The following BAG6 variants were observed in gnomAD, a reference collection of about 807,000 sequenced individuals.
BAG6 encodes large proline-rich protein BAG6.
Under a neutral mutation model 121.0 loss-of-function variants are expected in BAG6, and 22 were observed. The ratio of observed to expected loss-of-function variants is 0.18; its 90% CI spans 0.13 to 0.26. BAG6 has a LOEUF of 0.26. Ranked by LOEUF, BAG6 falls within the 10% of genes least tolerant of loss-of-function variation. The pLI is 1.00. For synonymous variants in BAG6, 583 were observed against 584.6 expected (o/e 1.00, Z 0.04); for missense variants, 1,233 against 1,537.7 (o/e 0.80, Z 3.31).
At chr6:31,645,668 A>G in intron 8 of BAG6, 64 bp from the exon 9 acceptor site, 1 of 1,565,614 alleles carries the variant, frequency 6.4e-7, no homozygotes, top group Non-Finnish European at 8.7e-7. Context: ...TCTCACTAAT[A>G]AAAGCAATAA....
At position 31,647,758 on chromosome 6, in the gene BAG6, T is replaced by A. The variant is rs1441809681; in HGVS notation, c.621A>T (p.Pro207=). ...CTGATGTTTGAGAGCTCAAGGCTAC[T>A]GGCTCCGGGGTCACAGCCGGTGGCT... The part of the protein sequence containing the change: ...PPQPPAVTPE[P]VALSSQTSEP... The change falls in exon 7 of 26, where the codon CCA becomes CCT. Residue 207 remains proline, a synonymous_variant. Transcript: ENST00000676615. The A allele has an allele frequency of 1.9e-6, 3 of 1,603,258 alleles. No individual in the cohort carries two copies. Among genetic ancestry groups the A allele is most frequent in the Non-Finnish European group, 8.5e-7 (1 of 1,176,116 alleles).
chr6:31,644,393 G>A lies in BAG6; in HGVS notation c.1469C>T (p.Pro490Leu), dbSNP rs756017355. The A allele has an allele frequency of 2.2e-5, 34 of 1,551,820 alleles. No individual in the cohort carries two copies. In the African/African-American group the frequency reaches 4.5e-4, roughly 21 times the overall value. Residue 490 changes from proline (P) to leucine (L), a missense_variant, in exon 12 of 26, where the codon CCC becomes CTC. By Grantham distance (98) the Pro-to-Leu change is moderately conservative. Transcript: ENST00000676615. This position sits in a 1 kb window ranked among gnomAD's most constrained non-coding sequence, Gnocchi z 4.9. ...GTGCATGAACTCAGGGGGCAGGGAG[G>A]GCAGCTGGATGAGGGTGGAGCCTGG... ...QTLGSTLIQL[P>L]SLPPEFMHAV...
Position 31,647,219 on chromosome 6 carries a change from A to T in BAG6, c.788+372T>A, listed in dbSNP as rs138386046. ...CACCCAGCCAAAGCTTCTATTCTTT[A>T]CTCCCACCCATGAGAGGATAGGGAG... On this transcript the variant is annotated intron_variant, in intron 7 of 25. Transcript: ENST00000676615. Among the ~76,000 whole-genome samples the T allele has an allele frequency of 2.9e-3, 444 of 152,058 alleles. 3 individuals carry two copies. Among genetic ancestry groups the T allele is most frequent in the African/African-American group, 8.8e-3 (366 of 41,482 alleles).
intron 14 of BAG6, 84 bp from the exon 15 acceptor site, chr6:31,643,199 G>A: frequency 7.1e-7 from 1 of 1,405,328 alleles, no homozygotes; most frequent in Non-Finnish European, 9.5e-7. Flanking sequence ...GCCAAGGCAT[G>A]AGAACTGCTT....
chr6:31,645,725 TG>T, intron 8 of BAG6, 121 bp from the exon 9 acceptor site: 1 of 1,253,740 alleles, frequency 8.0e-7, no homozygotes, highest in Non-Finnish European at 1.1e-6. Flanking sequence ...GTTATATCCT[TG>T]GAAGTTTACA....
chr6:31,640,867 C>G lies in BAG6; in HGVS notation c.2859G>C (p.Gln953His). The change falls in exon 21 of 26, where the codon CAG becomes CAC. Residue 953 changes from glutamine to histidine, a missense_variant. Physicochemically the swap from Gln to His is conservative, Grantham distance 24 (BLOSUM62 0). Around this residue, in one of 7 missense-constraint regions of BAG6, gnomAD observed 288 missense variants for 483.1 expected, o/e 0.60. Transcript: ENST00000676615. This position sits in a 1 kb window ranked among gnomAD's most constrained non-coding sequence, Gnocchi z 4.2. ...CTACAGGCATGTGCTCCAGTACCAC[C>G]TGAAGCCTCAGTCCCATCATAGTGG... Reference protein sequence around the residue: ...WLTTMMGLRLQVVLEHMPVGP... With the variant: ...WLTTMMGLRLHVVLEHMPVGP... 6.2e-7 allele frequency: 1 copy of G among 1,612,708 alleles called. No individual in the cohort carries two copies. Among genetic ancestry groups the G allele is most frequent in the Non-Finnish European group, 8.5e-7 (1 of 1,180,032 alleles).
Position 31,639,325 on chromosome 6 carries a change from C to G in BAG6, c.3394-99G>C, listed in dbSNP as rs147628511. The G allele has an allele frequency of 6.2e-3, 9,035 of 1,451,806 alleles. 38 individuals are homozygous for G. The highest frequency in any genetic ancestry group is 7.7e-3 in the Non-Finnish European group (8,129 of 1,049,018). 89.9% of individuals were successfully genotyped at this position (1,451,806 alleles called of 1,614,324 possible). On this transcript the variant is annotated intron_variant, in intron 25 of 25. Coordinates refer to ENST00000676615, the MANE Select transcript of BAG6 (RefSeq NM_001387994.1). ...TCCCTCAGAAGCTAACATTTCCCCCCCCAAGCACACTGTCAAATAGCCCGG... is the reference window on the plus strand; with the variant it reads ...TCCCTCAGAAGCTAACATTTCCCCCGCCAAGCACACTGTCAAATAGCCCGG...
chr6:31,651,793 G>T lies in BAG6; in HGVS notation c.-13-17C>A, dbSNP rs376290020. The T allele has an allele frequency of 1.7e-5, 27 of 1,600,280 alleles. No individual in the cohort carries two copies. In the African/African-American group the frequency reaches 2.9e-4, roughly 17 times the overall value. On this transcript the variant is annotated splice_polypyrimidine_tract_variant and intron_variant, in intron 1 of 25. Coordinates refer to ENST00000676615, the MANE Select transcript of BAG6 (RefSeq NM_001387994.1). Reference sequence around the variant, plus strand: ...GACAGGTCTCTAAAGAAGAACGAAGGAAGGAAGGCCCGCTGTTGCCCAGAC... The same window carrying T: ...GACAGGTCTCTAAAGAAGAACGAAGTAAGGAAGGCCCGCTGTTGCCCAGAC...
chr6:31,645,335 G>C, intron 9 of BAG6, 72 bp downstream of exon 9: 5 of 1,609,226 alleles, frequency 3.1e-6, no homozygotes, highest in Non-Finnish European at 4.2e-6. Flanking sequence ...CCTCCTTCAG[G>C]CCCAGTAGCT....
At position 31,639,072 on chromosome 6, in the gene BAG6, A is replaced by G. The variant is rs1779335536; in HGVS notation, c.*59T>C. On this transcript the variant is annotated 3_prime_UTR_variant, in exon 26 of 26. Transcript: ENST00000676615. The stretch of plus-strand genomic sequence containing the variant: ...AAAATCCGACTTTTATTTCTTAAAT[A>G]CTGTGAAGGAAGAGGGGGGAAACGG... 1 of 1,412,250 alleles carries G rather than the reference A, an allele frequency of 7.1e-7. No homozygotes were observed. Among genetic ancestry groups the G allele is most frequent in the East Asian group, 2.3e-5 (1 of 42,772 alleles). 87.5% of individuals were successfully genotyped at this position (1,412,250 alleles called of 1,614,324 possible).
intron 25 of BAG6, 96 bp from the exon 26 acceptor site, chr6:31,639,322 C>T: frequency 6.9e-7 from 1 of 1,456,534 alleles, no homozygotes; most frequent in Non-Finnish European, 9.5e-7. Flanking sequence ...TAACATTTCC[C>T]CCCCCAAGCA....
In BAG6 at chr6:31,649,140, T is replaced by C. The variant is rs553218307; in HGVS notation, c.423+59A>G. 2.1e-4 allele frequency: 335 copies of C among 1,592,720 alleles called. 2 individuals carry two copies. The Admixed American group carries it at 4.9e-3, about 23-fold the overall frequency. Reference sequence around the variant, plus strand: ...GGAAGCATCTATCTTATTAATTCCCTGGTGCTACCACAACCAAAGCTACCC... The same window carrying C: ...GGAAGCATCTATCTTATTAATTCCCCGGTGCTACCACAACCAAAGCTACCC... On this transcript the variant is annotated intron_variant, in intron 4 of 25. Transcript: ENST00000676615.
intron 8 of BAG6, among the ~76,000 whole-genome samples, 181 bp from the exon 9 acceptor site, chr6:31,645,785 C>T (rs1788448128): frequency 6.6e-6 from 1 of 152,218 alleles, no homozygotes; most frequent in African/African-American, 2.4e-5. Flanking sequence ...ACATAAGGAA[C>T]ATCCTATTAA....
At position 31,644,110 on chromosome 6, in the gene BAG6, G is replaced by A. The variant is rs762620041; in HGVS notation, c.1640C>T (p.Pro547Leu). The change falls in exon 13 of 26, where the codon CCT becomes CTT. Residue 547 changes from proline (P) to leucine (L), a missense_variant. By Grantham distance (98) the Pro-to-Leu change is moderately conservative. Transcript: ENST00000676615. The surrounding 1 kb of genome is among the most constrained non-coding windows in gnomAD (Gnocchi z 4.9). ...TGTCCCAGAGACTGGGGGCCCTCCA[G>A]GATGGGAAGGCCGAGCCTGTGGAGG... is the stretch of plus-strand genomic sequence containing the variant. Reference protein sequence around the residue: ...PTPPQARPSHPGGPPVSGTLQ... With the variant: ...PTPPQARPSHLGGPPVSGTLQ... 4 of 1,613,890 alleles carry A rather than the reference G, an allele frequency of 2.5e-6. No homozygotes were observed. Among genetic ancestry groups the A allele is most frequent in the Admixed American group, 3.3e-5 (2 of 59,988 alleles).
At chr6:31,646,689 G>A (rs1789753514) in intron 7 of BAG6, among the ~76,000 whole-genome samples, 166 bp from the exon 8 acceptor site, 1 of 151,064 alleles carries the variant, frequency 6.6e-6, no homozygotes, top group African/African-American at 2.4e-5. Flanking sequence ...CCGCCTCCCA[G>A]GTTCAAACGA....
At chr6:31,648,069 G>A (rs983454854) in intron 6 of BAG6, among the ~76,000 whole-genome samples, 1 of 150,148 alleles carries the variant, frequency 6.7e-6, no homozygotes, top group Non-Finnish European at 1.5e-5. Context: ...AGGCTGGAGT[G>A]CAGTGGCATG....
In BAG6 at chr6:31,643,133, A is replaced by C; in HGVS notation, c.1757-18T>G. On this transcript the variant is annotated intron_variant, in intron 14 of 25. Coordinates refer to ENST00000676615, the MANE Select transcript of BAG6 (RefSeq NM_001387994.1). ...CCCCTGAGCTGTAAGAAACCAAAAAAAGAAAGCTGGGCTGAGCATGGTGGC... is the reference window on the plus strand; with the variant it reads ...CCCCTGAGCTGTAAGAAACCAAAAACAGAAAGCTGGGCTGAGCATGGTGGC... 2 of 1,542,452 alleles carry C rather than the reference A, an allele frequency of 1.3e-6. No homozygotes were observed. The highest frequency in any genetic ancestry group is 1.7e-6 in the Non-Finnish European group (2 of 1,154,450).
chr6:31,645,062 G>A lies in BAG6; in HGVS notation c.1253C>T (p.Ala418Val), dbSNP rs769229396. The A allele has an allele frequency of 6.2e-7, 1 of 1,612,946 alleles. No homozygotes were observed. The highest frequency in any genetic ancestry group is 8.5e-7 in the Non-Finnish European group (1 of 1,180,006). Reference protein sequence around the residue: ...APSSTNVESSAEGAPPPGPAP... With the variant: ...APSSTNVESSVEGAPPPGPAP... ...TGGACCTGGCGGGGGAGCCCCCTCA[G>A]CTGAGGACTCGACATTGGTAGAAGA... Residue 418 changes from alanine to valine, a missense_variant, in exon 10 of 26, where the codon GCT becomes GTT. Physicochemically the swap from Ala to Val is moderately conservative, Grantham distance 64. This residue lies in a region of BAG6 where 777 missense variants were observed against 861.4 expected (regional missense o/e 0.90). Transcript: ENST00000676615.
intron 16 of BAG6, 65 bp from the exon 17 acceptor site, chr6:31,642,010 T>C: frequency 1.3e-6 from 2 of 1,598,084 alleles, no homozygotes; most frequent in Non-Finnish European, 8.5e-7. Flanking sequence ...CACAACCAGA[T>C]CATCAACCTC....
Sources: gnomAD v4.1 joint callset for allele counts (sites outside exome capture counted in the v4.1 genomes callset) on GRCh38, gnomAD v4.1.1 for gene constraint, gnomAD v4.1.1 regional missense constraint, Gnocchi (gnomAD v3.1) non-coding constraint, MANE v1.5 for transcripts, NCBI Gene and HGNC (gene_info 2026-07-23, HGNC 2026-07-21) for gene names.